SEPTIN9: variants seen among roughly 807,000 people sequenced by gnomAD.
SEPTIN9 encodes septin-9.
Under a neutral mutation model 56.6 loss-of-function variants are expected in SEPTIN9, and 13 were observed. That is an observed-to-expected ratio of 0.23 (90% CI 0.15 to 0.37). The LOEUF is 0.37. SEPTIN9 is among the 10% of genes least tolerant of loss of function. The probability of loss-of-function intolerance (pLI) is 1.00; values close to 1 mark genes in which losing one functional copy is unlikely to be tolerated. For synonymous variants in SEPTIN9, 332 were observed against 334.1 expected (o/e 0.99, Z 0.07); for missense variants, 650 against 823.1 (o/e 0.79, Z 2.57).
At chr17:77,457,367 C>T (rs1208188769) in intron 3 of SEPTIN9, among the ~76,000 whole-genome samples, 1 of 152,174 alleles carries the variant, frequency 6.6e-6, no homozygotes, top group African/African-American at 2.4e-5. Flanking sequence ...AAGCTTGCTC[C>T]ATCTCCCCAA....
intron 10 of SEPTIN9, 131 bp from the exon 11 acceptor site, chr17:77,497,184 G>A: frequency 2.3e-6 from 2 of 880,304 alleles, no homozygotes; most frequent in Non-Finnish European, 3.7e-6. Context: ...TGGTTCCCCT[G>A]CCCTCCTGCC....
chr17:77,448,381 C>T lies in SEPTIN9; in HGVS notation c.722-33763C>T, dbSNP rs140002289. The stretch of plus-strand genomic sequence containing the variant: ...GTCCCAGCTACTTGGGAGGCTGAGG[C>T]GGGAGAATTGCTTGAACTCAGGAGA... On this transcript the variant is annotated intron_variant, in intron 3 of 11. Coordinates refer to ENST00000427177, the MANE Select transcript of SEPTIN9 (RefSeq NM_001113491.2). Among the ~76,000 whole-genome samples the T allele has an allele frequency of 6.2e-3, 947 of 151,724 alleles. 10 individuals carry two copies. Among genetic ancestry groups the T allele is most frequent in the African/African-American group, 0.022 (913 of 41,344 alleles).
At chr17:77,404,057 C>A (rs2035986817) in intron 3 of SEPTIN9, among the ~76,000 whole-genome samples, 1 of 152,148 alleles carries the variant, frequency 6.6e-6, no homozygotes, top group Non-Finnish European at 1.5e-5. Flanking sequence ...GTGTCTGGCT[C>A]ATTTCACTCA....
chr17:77,404,010 C>G lies in SEPTIN9; in HGVS notation c.721+1307C>G, dbSNP rs78425121. On this transcript the variant is annotated intron_variant, in intron 3 of 11. Coordinates refer to ENST00000427177, the MANE Select transcript of SEPTIN9 (RefSeq NM_001113491.2). The stretch of plus-strand genomic sequence containing the variant: ...GAATTTATTTGACCACTCTAGGAAC[C>G]TTGTGTGTGTGGAAAAATACAATAA... Among the ~76,000 whole-genome samples, 219 of 152,228 alleles carry G rather than the reference C, an allele frequency of 1.4e-3. 1 individual carries two copies. The highest frequency in any genetic ancestry group is 4.9e-3 in the African/African-American group (202 of 41,532).
chr17:77,333,410 A>G (rs1020570027), intron 2 of SEPTIN9, among the ~76,000 whole-genome samples: 4 of 152,040 alleles, frequency 2.6e-5, no homozygotes, highest in African/African-American at 7.3e-5. Context: ...TTCCTTTTTC[A>G]AGAACAAGGT....
intron 3 of SEPTIN9, among the ~76,000 whole-genome samples, chr17:77,412,476 C>G (rs1338840684): frequency 6.6e-6 from 1 of 152,174 alleles, no homozygotes; most frequent in Non-Finnish European, 1.5e-5. Flanking sequence ...ATGGCTAACA[C>G]CTATAATCCC....
rs776005223 is a variant in SEPTIN9, at chr17:77,405,254, T to C, written c.721+2551T>C. The C allele has an allele frequency of 2.3e-6, 2 of 863,402 alleles. No homozygotes were observed. The highest frequency in any genetic ancestry group is 3.5e-6 in the Non-Finnish European group (2 of 565,694). 53.5% of individuals were successfully genotyped at this position (863,402 alleles called of 1,614,324 possible). Reference sequence around the variant, plus strand: ...GGGAGCCAGGCCCAGGGACACAACCTGCGGGCTCTGCTTTCTGGAGCTCAC... The same window carrying C: ...GGGAGCCAGGCCCAGGGACACAACCCGCGGGCTCTGCTTTCTGGAGCTCAC... On this transcript the variant is annotated intron_variant, in intron 3 of 11. Transcript: ENST00000427177. The surrounding 1 kb of genome is among the most constrained non-coding windows in gnomAD (Gnocchi z 5.8).
intron 3 of SEPTIN9, among the ~76,000 whole-genome samples, chr17:77,460,784 G>A (rs557516813): frequency 7.2e-5 from 11 of 152,314 alleles, no homozygotes; most frequent in African/African-American, 2.4e-4. Context: ...TGCATCCGGG[G>A]AGTGGGGTGC....
Position 77,498,565 on chromosome 17 carries a change from C to T in SEPTIN9, c.1668C>T (p.His556=). ...TCAAGGACATCACCAGCAGCATCCACTTCGAGGCGTACCGTGTGAAGCGCC... is the reference window on the plus strand; with the variant it reads ...TCAAGGACATCACCAGCAGCATCCATTTCGAGGCGTACCGTGTGAAGCGCC... ...QNIKDITSSI[H]FEAYRVKRLN... Residue 556 remains histidine, a synonymous_variant, in exon 12 of 12, where the codon CAC becomes CAT. Transcript: ENST00000427177. The T allele has an allele frequency of 6.3e-7, 1 of 1,593,422 alleles. No homozygotes were observed. The highest frequency in any genetic ancestry group is 8.5e-7 in the Non-Finnish European group (1 of 1,171,256).
intron 4 of SEPTIN9, 165 bp downstream of exon 4, chr17:77,482,500 T>C: frequency 1.3e-6 from 1 of 763,924 alleles, no homozygotes. Context: ...TGCATGCGCC[T>C]GGGAGGAGCC....
At chr17:77,473,154 G>C (rs894860644) in intron 3 of SEPTIN9, among the ~76,000 whole-genome samples, 1 of 152,292 alleles carries the variant, frequency 6.6e-6, no homozygotes, top group East Asian at 1.9e-4. Context: ...TCCTCCTGCC[G>C]GAGCTCAGGG....
At position 77,498,899 on chromosome 17, in the gene SEPTIN9, C is replaced by G. The variant is rs1211015172; in HGVS notation, c.*241C>G. 1 of 591,054 alleles carries G rather than the reference C, an allele frequency of 1.7e-6. No homozygotes were observed. The highest frequency in any genetic ancestry group is 3.2e-6 in the Non-Finnish European group (1 of 313,182). 36.6% of individuals were successfully genotyped at this position (591,054 alleles called of 1,614,324 possible). A position where few individuals can be genotyped will look rare whatever the true frequency, so the allele number is the denominator to read the frequency against. Reference sequence around the variant, plus strand: ...GAGCCACAGGCAGGGGTGAGAGCACCCACTGAATTGACATGACCCTCTGTC... The same window carrying G: ...GAGCCACAGGCAGGGGTGAGAGCACGCACTGAATTGACATGACCCTCTGTC... On this transcript the variant is annotated 3_prime_UTR_variant, in exon 12 of 12. Coordinates refer to ENST00000427177, the MANE Select transcript of SEPTIN9 (RefSeq NM_001113491.2).
intron 2 of SEPTIN9, among the ~76,000 whole-genome samples, chr17:77,334,318 A>G (rs1332673816): frequency 6.6e-6 from 1 of 151,096 alleles, no homozygotes; most frequent in Non-Finnish European, 1.5e-5. Context: ...GATAATCGGG[A>G]GGCCGAGGCA....
rs2031606700 is a variant in SEPTIN9 at position 77,292,466 on chromosome 17, C to G, written c.19+10912C>G. Reference sequence around the variant, plus strand: ...CTGGGGTATCGTCCTGTGGCTCTTCCTTGTTGGAGTCTGCAGTTTTTTGTT... The same window carrying G: ...CTGGGGTATCGTCCTGTGGCTCTTCGTTGTTGGAGTCTGCAGTTTTTTGTT... On this transcript the variant is annotated intron_variant, in intron 1 of 11. Coordinates refer to ENST00000427177, the MANE Select transcript of SEPTIN9 (RefSeq NM_001113491.2). Among the ~76,000 whole-genome samples, 3 of 151,806 alleles carry G rather than the reference C, an allele frequency of 2.0e-5. No homozygotes were observed. In the South Asian group the frequency reaches 6.2e-4, roughly 32 times the overall value.
At chr17:77,424,096 A>G (rs1210529869) in intron 3 of SEPTIN9, among the ~76,000 whole-genome samples, 1 of 152,266 alleles carries the variant, frequency 6.6e-6, no homozygotes, top group Non-Finnish European at 1.5e-5. Context: ...TTCATGAATC[A>G]TAAGTGACCA....
At chr17:77,413,663 G>C (rs556504116) in intron 3 of SEPTIN9, among the ~76,000 whole-genome samples, 2 of 146,982 alleles carry the variant, frequency 1.4e-5, no homozygotes, top group African/African-American at 5.2e-5. Context: ...CCTCCCCAAG[G>C]CTGCAGTCTT....
chr17:77,396,150 G>C (rs1487531156), intron 2 of SEPTIN9, among the ~76,000 whole-genome samples: 1 of 152,132 alleles, frequency 6.6e-6, no homozygotes. Context: ...GGGTGGGGGG[G>C]TGACACTGCT....
At chr17:77,413,502 G>A (rs1364333669) in intron 3 of SEPTIN9, among the ~76,000 whole-genome samples, 1 of 152,220 alleles carries the variant, frequency 6.6e-6, no homozygotes, top group African/African-American at 2.4e-5. Flanking sequence ...GATCAGCAGA[G>A]CACGATCGAT....
intron 2 of SEPTIN9, among the ~76,000 whole-genome samples, chr17:77,384,989 A>G (rs1352251181): frequency 1.3e-5 from 2 of 151,916 alleles, no homozygotes; most frequent in Non-Finnish European, 2.9e-5. Flanking sequence ...GCATTTTGCA[A>G]ATTTTCGGCT....
Sources: allele counts gnomAD v4.1 joint callset (sites outside exome capture counted in the v4.1 genomes callset), GRCh38; gene constraint gnomAD v4.1.1; non-coding constraint Gnocchi (gnomAD v3.1); transcripts MANE v1.5; gene names NCBI Gene and HGNC (gene_info 2026-07-23, HGNC 2026-07-21).